Variants in B3GNT2 observed in about 807,000 individuals in gnomAD.
The protein encoded by B3GNT2 is UDP-GlcNAc:betaGal beta-1,3-N-acetylglucosaminyltransferase 2, also known as N-acetyllactosaminide beta-1,3-N-acetylglucosaminyltransferase 2.
Under a neutral mutation model 27.6 loss-of-function variants are expected in B3GNT2, and 12 were observed. That is an observed-to-expected ratio of 0.44 (90% CI 0.28 to 0.71). The LOEUF (loss-of-function observed/expected upper bound fraction) is 0.71. B3GNT2 is among the 30% of genes least tolerant of loss of function. The pLI, the probability that B3GNT2 is intolerant of heterozygous loss-of-function variation, is 0.17. For missense variants in B3GNT2, 413 were observed against 488.5 expected, an observed-to-expected ratio of 0.85 and a Z score of 1.46; for synonymous variants, 192 against 189.7, an observed-to-expected ratio of 1.01 and a Z score of -0.10.
chr2:62,201,746 A>G (rs1020887856), intron 1 of B3GNT2, among the ~76,000 whole-genome samples: 2 of 152,224 alleles, frequency 1.3e-5, no homozygotes, highest in African/African-American at 4.8e-5. Context: ...CTCTCTCACC[A>G]CTATAACTAC....
At chr2:62,208,537 G>T (rs1302181760) in intron 1 of B3GNT2, among the ~76,000 whole-genome samples, 1 of 152,106 alleles carries the variant, frequency 6.6e-6, no homozygotes, top group Non-Finnish European at 1.5e-5. Flanking sequence ...GAGGAGTGAG[G>T]CCTAGAGGGG....
intron 1 of B3GNT2, among the ~76,000 whole-genome samples, chr2:62,201,595 G>A (rs191541891): frequency 1.6e-4 from 24 of 152,216 alleles, no homozygotes; most frequent in African/African-American, 5.8e-4. Flanking sequence ...CTCCTTATTT[G>A]TTTGGTACTT....
chr2:62,205,326 A>G (rs1674352772), intron 1 of B3GNT2, among the ~76,000 whole-genome samples: 2 of 152,224 alleles, frequency 1.3e-5, no homozygotes, highest in African/African-American at 2.4e-5. Context: ...TTACTATTGC[A>G]CTTCTTTAAA....
intron 1 of B3GNT2, chr2:62,221,803 C>A (rs572622277): frequency 1.4e-5 from 7 of 514,224 alleles, no homozygotes; most frequent in African/African-American, 1.4e-4. Flanking sequence ...TTAGGCAAAT[C>A]GGTTTGCCAA....
chr2:62,220,872 A>G (rs1415733925), intron 1 of B3GNT2, among the ~76,000 whole-genome samples: 1 of 152,222 alleles, frequency 6.6e-6, no homozygotes, highest in Non-Finnish European at 1.5e-5. Context: ...AGAACCTTGG[A>G]TATCCCCAGC....
In B3GNT2 at chr2:62,222,216, G is replaced by A; in HGVS notation, c.-5G>A. 1 of 1,588,162 alleles carries A rather than the reference G, an allele frequency of 6.3e-7. No homozygotes were observed. The stretch of plus-strand genomic sequence containing the variant: ...TACTCCACCCCTTTATTCCAGATAT[G>A]AGAAATGAGTGTTGGACGTCGAAGA... On this transcript the variant is annotated 5_prime_UTR_variant, in exon 2 of 2. An upstream start codon of the reference 5' UTR is lost. Transcript: ENST00000301998. This position sits in a 1 kb window ranked among gnomAD's most constrained non-coding sequence, Gnocchi z 4.2.
chr2:62,207,282 C>T (rs1173810329), intron 1 of B3GNT2, among the ~76,000 whole-genome samples: 3 of 151,982 alleles, frequency 2.0e-5, no homozygotes, highest in Admixed American at 6.6e-5. Flanking sequence ...TGGGTTCAAG[C>T]GATTCTTCTG....
At chr2:62,217,925 A>G (rs1005045441) in intron 1 of B3GNT2, among the ~76,000 whole-genome samples, 2 of 152,222 alleles carry the variant, frequency 1.3e-5, no homozygotes, top group South Asian at 4.1e-4. Flanking sequence ...CTGAAGTTTC[A>G]AAACTGTTCT....
At chr2:62,198,620 A>AT (rs1674201207) in intron 1 of B3GNT2, among the ~76,000 whole-genome samples, 1 of 152,216 alleles carries the variant, frequency 6.6e-6, no homozygotes, top group East Asian at 1.9e-4. Flanking sequence ...AAAATTATGA[A>AT]TTTTTTTCTG....
rs1400912647 is a variant in B3GNT2, at chr2:62,224,340, GATT to G, written c.*933_*935del. On this transcript the variant is annotated 3_prime_UTR_variant, in exon 2 of 2. Transcript: ENST00000301998. ...ATATTTTCACATGCTGCTTATACAA[GATT>G]ATTATTGAGTAGTAACTGCTTCCCT... 4 of 167,144 alleles carry G rather than the reference GATT, an allele frequency of 2.4e-5. No homozygotes were observed. In the Middle Eastern group the frequency reaches 0.01, roughly 424 times the overall value. 10.4% of individuals were successfully genotyped at this position (167,144 alleles called of 1,614,324 possible).
At chr2:62,200,704 T>C (rs1433799172) in intron 1 of B3GNT2, among the ~76,000 whole-genome samples, 1 of 152,224 alleles carries the variant, frequency 6.6e-6, no homozygotes, top group East Asian at 1.9e-4. Context: ...TTGTCCGTGT[T>C]CCCACCCCCT....
intron 1 of B3GNT2, among the ~76,000 whole-genome samples, chr2:62,209,198 G>C (rs544574320): frequency 1.3e-5 from 2 of 152,114 alleles, no homozygotes; most frequent in Non-Finnish European, 2.9e-5. Flanking sequence ...CAGAATGGAA[G>C]CTATAGACTG....
chr2:62,196,968 G>A (rs1558629606), intron 1 of B3GNT2, among the ~76,000 whole-genome samples: 1 of 151,964 alleles, frequency 6.6e-6, no homozygotes, highest in Non-Finnish European at 1.5e-5. Context: ...TGCCACTTCT[G>A]TCTCCGGCTC....
At chr2:62,196,443 C>G (rs1674143675) in intron 1 of B3GNT2, 88 bp downstream of exon 1, 1 of 152,774 alleles carries the variant, frequency 6.5e-6, no homozygotes, top group Non-Finnish European at 1.5e-5. Flanking sequence ...CTTCCGCCTC[C>G]CTGCTTCCCG....
At chr2:62,210,779 ATAAT>A in intron 1 of B3GNT2, among the ~76,000 whole-genome samples, 1 of 151,818 alleles carries the variant, frequency 6.6e-6, no homozygotes, top group Non-Finnish European at 1.5e-5. Context: ...AAAAAAAATA[ATAAT>A]AATAATAGGA....
intron 1 of B3GNT2, among the ~76,000 whole-genome samples, chr2:62,220,453 T>C (rs574747589): frequency 6.6e-5 from 10 of 152,394 alleles, no homozygotes; most frequent in Middle Eastern, 3.4e-3. Flanking sequence ...TAATATGTAA[T>C]AGTTTTACAG....
At chr2:62,214,196 G>C (rs773280950) in intron 1 of B3GNT2, among the ~76,000 whole-genome samples, 3 of 152,256 alleles carry the variant, frequency 2.0e-5, no homozygotes, top group Non-Finnish European at 4.4e-5. Flanking sequence ...TGAGGGAACA[G>C]TAGCATATTG....
At chr2:62,219,825 G>T (rs1674648046) in intron 1 of B3GNT2, among the ~76,000 whole-genome samples, 1 of 152,208 alleles carries the variant, frequency 6.6e-6, no homozygotes, top group Admixed American at 6.5e-5. Flanking sequence ...GAGTAGTTTT[G>T]TGGGCAGGGG....
At chr2:62,205,085 A>G (rs1410071142) in intron 1 of B3GNT2, among the ~76,000 whole-genome samples, 2 of 152,188 alleles carry the variant, frequency 1.3e-5, no homozygotes, top group Non-Finnish European at 2.9e-5. Context: ...CGAGATTGGA[A>G]GCCCGTGGCA....
Sources: allele counts gnomAD v4.1 joint callset (sites outside exome capture counted in the v4.1 genomes callset), GRCh38; gene constraint gnomAD v4.1.1; non-coding constraint Gnocchi (gnomAD v3.1); transcripts MANE v1.5; gene names NCBI Gene and HGNC (gene_info 2026-07-23, HGNC 2026-07-21).